FRMD4A: variants seen among roughly 807,000 people sequenced by gnomAD.
FRMD4A encodes the protein FERM domain containing 4A.
Under a neutral mutation model 129.1 loss-of-function variants are expected in FRMD4A, and 29 were observed. That is an observed-to-expected ratio of 0.22 (90% CI 0.17 to 0.31). The LOEUF (loss-of-function observed/expected upper bound fraction) is 0.31, where lower values mean the gene tolerates loss of function less well. Ranked by LOEUF, FRMD4A falls within the 10% of genes least tolerant of loss-of-function variation. The pLI is 1.00. For missense variants in FRMD4A, 1,272 were observed against 1,375.8 expected, an observed-to-expected ratio of 0.92 and a Z score of 1.19; for synonymous variants, 634 against 571.6, an observed-to-expected ratio of 1.11 and a Z score of -1.56.
At chr10:13,705,329 C>T (rs971804267) in intron 13 of FRMD4A, among the ~76,000 whole-genome samples, 9 of 152,214 alleles carry the variant, frequency 5.9e-5, no homozygotes, top group South Asian at 4.2e-4. Flanking sequence ...ACCAATAGGG[C>T]GACAGACGCA....
At chr10:13,716,679 C>G (rs1231890928) in intron 12 of FRMD4A, among the ~76,000 whole-genome samples, 1 of 152,140 alleles carries the variant, frequency 6.6e-6, no homozygotes, top group Non-Finnish European at 1.5e-5. Context: ...TCTTTTTAAC[C>G]CATCAAAAAC....
At chr10:14,119,995 CTT>C (rs34292351) in intron 2 of FRMD4A, among the ~76,000 whole-genome samples, 11,119 of 131,104 alleles carry the variant, frequency 0.085, 565 homozygotes, top group African/African-American at 0.15. Context: ...ATGTCATCTG[CTT>C]TTTTTTTTTT....
chr10:13,892,982 T>C (rs1378788487), intron 2 of FRMD4A, among the ~76,000 whole-genome samples: 3 of 152,200 alleles, frequency 2.0e-5, no homozygotes, highest in Non-Finnish European at 4.4e-5. Flanking sequence ...GGCATACAGT[T>C]AGCATTGGAG....
chr10:14,014,263 C>A (rs952733846), intron 2 of FRMD4A, among the ~76,000 whole-genome samples: 2 of 152,178 alleles, frequency 1.3e-5, no homozygotes, highest in Admixed American at 6.5e-5. Context: ...CCAAAACACA[C>A]GCAAGAAGAA....
intron 2 of FRMD4A, among the ~76,000 whole-genome samples, chr10:14,151,186 T>TTATA (rs2131854871): frequency 6.6e-6 from 1 of 152,264 alleles, no homozygotes; most frequent in South Asian, 2.1e-4. Context: ...AAATAAACCA[T>TTATA]TATATCAGAA....
At chr10:14,255,539 T>C (rs929753250) in intron 2 of FRMD4A, among the ~76,000 whole-genome samples, 1 of 152,198 alleles carries the variant, frequency 6.6e-6, no homozygotes, top group East Asian at 1.9e-4. Context: ...CAGAGACCAA[T>C]GCAGCAAGGG....
At chr10:14,016,604 C>A (rs2095699965) in intron 2 of FRMD4A, among the ~76,000 whole-genome samples, 1 of 152,198 alleles carries the variant, frequency 6.6e-6, no homozygotes, top group African/African-American at 2.4e-5. Context: ...TTTGAGAGCT[C>A]CCTGTTTAGT....
intron 24 of FRMD4A, chr10:13,651,666 C>G (rs1348544698): frequency 3.8e-6 from 2 of 519,872 alleles, no homozygotes; most frequent in Middle Eastern, 4.1e-4. Context: ...GAACAAGACT[C>G]TGTCTCAAAA....
intron 2 of FRMD4A, among the ~76,000 whole-genome samples, chr10:14,119,292 G>C (rs1286101741): frequency 6.6e-6 from 1 of 152,188 alleles, no homozygotes; most frequent in Admixed American, 6.5e-5. Flanking sequence ...GGTGCAAAGT[G>C]AGCGGTTCAT....
chr10:14,324,814 C>A (rs749802728), intron 2 of FRMD4A, among the ~76,000 whole-genome samples: 1 of 152,180 alleles, frequency 6.6e-6, no homozygotes, highest in Non-Finnish European at 1.5e-5. Flanking sequence ...GTGCACCCCA[C>A]CACGCCTTGC....
At chr10:14,287,148 G>A (rs1403202584) in intron 2 of FRMD4A, among the ~76,000 whole-genome samples, 7 of 151,848 alleles carry the variant, frequency 4.6e-5, no homozygotes, top group South Asian at 4.1e-4. Context: ...CCCCCGCTCC[G>A]TGATGCATTC....
intron 2 of FRMD4A, among the ~76,000 whole-genome samples, chr10:14,266,034 T>G (rs1844965638): frequency 6.6e-6 from 1 of 152,078 alleles, no homozygotes; most frequent in African/African-American, 2.4e-5. Context: ...GACTCAAGAC[T>G]TGGAAGCAAC....
At chr10:13,742,260 G>T (rs924453502) in intron 9 of FRMD4A, among the ~76,000 whole-genome samples, 1 of 152,176 alleles carries the variant, frequency 6.6e-6, no homozygotes, top group Non-Finnish European at 1.5e-5. Flanking sequence ...AGGAGATACG[G>T]CCGCTCCCAC....
At chr10:13,835,043 G>A (rs2093851560) in intron 3 of FRMD4A, among the ~76,000 whole-genome samples, 1 of 152,200 alleles carries the variant, frequency 6.6e-6, no homozygotes, top group South Asian at 2.1e-4. Context: ...GGGGTGGCCG[G>A]AGATGGAGGT....
intron 2 of FRMD4A, among the ~76,000 whole-genome samples, chr10:13,999,852 T>G (rs976317623): frequency 6.6e-6 from 1 of 152,226 alleles, no homozygotes; most frequent in African/African-American, 2.4e-5. Flanking sequence ...ACACGGATGT[T>G]CGTCTGCATA....
intron 2 of FRMD4A, among the ~76,000 whole-genome samples, chr10:14,221,437 T>C (rs1183208151): frequency 2.0e-5 from 3 of 152,194 alleles, no homozygotes; most frequent in Non-Finnish European, 2.9e-5. Context: ...TCTTTTATCC[T>C]AGTGTGTTAG....
At chr10:14,040,634 G>A (rs1833742549) in intron 2 of FRMD4A, among the ~76,000 whole-genome samples, 1 of 152,182 alleles carries the variant, frequency 6.6e-6, no homozygotes, top group Admixed American at 6.5e-5. Context: ...CATGCATGGT[G>A]CCTGCGACCA....
intron 2 of FRMD4A, among the ~76,000 whole-genome samples, chr10:14,283,230 G>T (rs1394902272): frequency 6.6e-6 from 1 of 152,142 alleles, no homozygotes; most frequent in Non-Finnish European, 1.5e-5. Context: ...CCTCAGATTT[G>T]GATTCCTTGT....
chr10:13,830,504 G>A (rs1390758899), intron 3 of FRMD4A, among the ~76,000 whole-genome samples: 4 of 152,180 alleles, frequency 2.6e-5, no homozygotes, highest in African/African-American at 9.7e-5. Flanking sequence ...CCTGACTGTG[G>A]GCCACAGAGT....
Sources: gnomAD v4.1 joint callset for allele counts (sites outside exome capture counted in the v4.1 genomes callset) on GRCh38, gnomAD v4.1.1 for gene constraint, MANE v1.5 for transcripts, NCBI Gene and HGNC (gene_info 2026-07-23, HGNC 2026-07-21) for gene names.